ATXN8OS: variants seen among roughly 807,000 people sequenced by gnomAD.
ATXN8OS encodes ATXN8 opposite strand lncRNA.
At chr13:70,128,963 C>T (rs982134280) in intron 2 of ATXN8OS, among the ~76,000 whole-genome samples, 2 of 151,902 alleles carry the variant, frequency 1.3e-5, no homozygotes, top group Non-Finnish European at 2.9e-5. Context: ...CAGGTTCAAG[C>T]GATTCTCCTG....
chr13:70,119,761 A>T (rs964956259), intron 2 of ATXN8OS, among the ~76,000 whole-genome samples: 1 of 152,046 alleles, frequency 6.6e-6, no homozygotes, highest in Non-Finnish European at 1.5e-5. Context: ...ACTCAGTCAA[A>T]CCTTTTTGTC....
chr13:70,138,918 A>C (rs1333199659), intron 3 of ATXN8OS, among the ~76,000 whole-genome samples: 13 of 152,120 alleles, frequency 8.5e-5, no homozygotes, highest in Admixed American at 8.5e-4. Context: ...TCATGCCTAT[A>C]ATTTATAAGA....
intron 4 of ATXN8OS, among the ~76,000 whole-genome samples, chr13:70,160,718 T>TTA (rs1888997105): frequency 5.9e-5 from 1 of 16,814 alleles, no homozygotes; most frequent in African/African-American, 1.1e-4. Flanking sequence ...GAAAGCTGAA[T>TTA]TATATATATA....
intron 1 of ATXN8OS, chr13:70,108,301 G>C (rs969541944): frequency 2.9e-6 from 1 of 349,852 alleles, no homozygotes; most frequent in East Asian, 4.4e-5. Flanking sequence ...ATAGCCTGCC[G>C]GGTGGCTCTG....
intron 3 of ATXN8OS, chr13:70,139,428 G>A (rs1888673875): frequency 3.9e-6 from 3 of 761,608 alleles, no homozygotes; most frequent in South Asian, 3.7e-5. Flanking sequence ...TGCTGCTGCT[G>A]CATTTTTTAA....
rs1888336154 is a variant in ATXN8OS at position 70,120,105 on chromosome 13, C to T, written n.398+4807C>T. Among the ~76,000 whole-genome samples the T allele has an allele frequency of 2.0e-5, 3 of 152,058 alleles. No individual in the cohort carries two copies. The South Asian group carries it at 6.2e-4, about 31-fold the overall frequency. The stretch of plus-strand genomic sequence containing the variant: ...ATCAACTTATAGCAGACATTGAACT[C>T]CACATATTTGCAATTTTTTCTTGTT... On this transcript the variant is annotated intron_variant and non_coding_transcript_variant, in intron 2 of 4. Transcript: ENST00000678624.
chr13:70,147,510 G>C (rs1439978148), intron 4 of ATXN8OS, among the ~76,000 whole-genome samples: 1 of 152,084 alleles, frequency 6.6e-6, no homozygotes, highest in Admixed American at 6.6e-5. Flanking sequence ...CAAATTGTAT[G>C]AGTGATCGAA....
At chr13:70,153,517 G>A (rs1037713825) in intron 4 of ATXN8OS, among the ~76,000 whole-genome samples, 1 of 152,166 alleles carries the variant, frequency 6.6e-6, no homozygotes, top group Admixed American at 6.5e-5. Context: ...GGAGGTTGCA[G>A]TGAGCCAACA....
At chr13:70,156,627 C>A (rs1368186472) in intron 4 of ATXN8OS, among the ~76,000 whole-genome samples, 1 of 151,762 alleles carries the variant, frequency 6.6e-6, no homozygotes, top group Non-Finnish European at 1.5e-5. Context: ...AAAACTTGAG[C>A]CAGTGAAATA....
At chr13:70,164,046 G>A (rs553538155) in intron 4 of ATXN8OS, among the ~76,000 whole-genome samples, 103 of 104,670 alleles carry the variant, frequency 9.8e-4, no homozygotes, top group African/African-American at 4.0e-3. Context: ...TAAGCTGGAA[G>A]TTTTTATTCT....
At chr13:70,156,156 G>A (rs1314687868) in intron 4 of ATXN8OS, among the ~76,000 whole-genome samples, 2 of 151,828 alleles carry the variant, frequency 1.3e-5, no homozygotes, top group East Asian at 1.9e-4. Flanking sequence ...ATTTTTTTCA[G>A]CATCTATAAC....
At position 70,123,273 on chromosome 13, in the gene ATXN8OS, A is replaced by G. The variant is rs187612889; in HGVS notation, n.399-6511A>G. Among the ~76,000 whole-genome samples, 138 of 152,262 alleles carry G rather than the reference A, an allele frequency of 9.1e-4. 1 individual carries two copies. Among genetic ancestry groups the G allele is most frequent in the Admixed American group, 2.5e-3 (38 of 15,272 alleles). On this transcript the variant is annotated intron_variant and non_coding_transcript_variant, in intron 2 of 4. Coordinates refer to ENST00000678624, the Ensembl canonical transcript of ATXN8OS. ...AGTTGATGTCAAGGAATAATTGTGC[A>G]TCTTAACAATAAACTCTTTAATGGC...
At chr13:70,160,046 AT>A (rs1673429908) in intron 4 of ATXN8OS, among the ~76,000 whole-genome samples, 1 of 152,190 alleles carries the variant, frequency 6.6e-6, no homozygotes, top group Non-Finnish European at 1.5e-5. Flanking sequence ...GTGGATACCT[AT>A]TAGTGGGATT....
chr13:70,167,963 T>A (rs1889098224), intron 4 of ATXN8OS, among the ~76,000 whole-genome samples: 2 of 151,976 alleles, frequency 1.3e-5, no homozygotes, highest in African/African-American at 4.8e-5. Context: ...CCTGACATCG[T>A]GATCCACCCA....
At chr13:70,149,513 A>T (rs1052773852) in intron 4 of ATXN8OS, among the ~76,000 whole-genome samples, 1 of 152,160 alleles carries the variant, frequency 6.6e-6, no homozygotes, top group African/African-American at 2.4e-5. Flanking sequence ...ATTACCGAAG[A>T]AACTGTTTCC....
chr13:70,128,955 G>A (rs1322229356), intron 2 of ATXN8OS, among the ~76,000 whole-genome samples: 1 of 151,776 alleles, frequency 6.6e-6, no homozygotes, highest in Non-Finnish European at 1.5e-5. Context: ...CCACCTCCCA[G>A]GTTCAAGCGA....
At chr13:70,139,677 T>C (rs540137810) in intron 3 of ATXN8OS, among the ~76,000 whole-genome samples, 1 of 152,122 alleles carries the variant, frequency 6.6e-6, no homozygotes, top group Non-Finnish European at 1.5e-5. Flanking sequence ...ATATACTTAG[T>C]GGAATTTCTC....
intron 4 of ATXN8OS, among the ~76,000 whole-genome samples, chr13:70,158,104 G>A (rs531503241): frequency 1.5e-4 from 23 of 152,234 alleles, no homozygotes; most frequent in Non-Finnish European, 2.1e-4. Context: ...CTTGAGATAG[G>A]CTTATTCCAC....
At chr13:70,154,248 T>C (rs1888908606) in intron 4 of ATXN8OS, among the ~76,000 whole-genome samples, 1 of 152,188 alleles carries the variant, frequency 6.6e-6, no homozygotes, top group Non-Finnish European at 1.5e-5. Flanking sequence ...CAATCACAAG[T>C]AGAATCTCTT....
Sources: gnomAD v4.1 joint callset for allele counts (sites outside exome capture counted in the v4.1 genomes callset) on GRCh38, gnomAD v4.1.1 for gene constraint, MANE v1.5 for transcripts, NCBI Gene and HGNC (gene_info 2026-07-23, HGNC 2026-07-21) for gene names.